Variants in CDH4 observed in about 807,000 individuals in gnomAD.
CDH4 encodes cadherin 4, also known as cadherin-4.
In CDH4, 33 loss-of-function variants were observed where a neutral mutation model predicts 86.0. That is an observed-to-expected ratio of 0.38 (90% CI 0.29 to 0.51). CDH4 has a LOEUF of 0.51. Ranked by LOEUF, CDH4 falls within the 20% of genes least tolerant of loss-of-function variation. CDH4 has a pLI of 0.86. For missense variants in CDH4, 1,114 were observed against 1,307.4 expected, an observed-to-expected ratio of 0.85 and a Z score of 2.28; for synonymous variants, 555 against 549.4, an observed-to-expected ratio of 1.01 and a Z score of -0.14.
chr20:61,517,853 C>G lies in CDH4; in HGVS notation c.170-225710C>G, dbSNP rs556134494. On this transcript the variant is annotated intron_variant, in intron 2 of 15. Transcript: ENST00000614565. This position sits in a 1 kb window ranked among gnomAD's most constrained non-coding sequence, Gnocchi z 6.6. The stretch of plus-strand genomic sequence containing the variant: ...TGAGTTACCTCTTATTTCATTTATT[C>G]TCAGTTCCGTCCCATGCAGGTGCCT... Among the ~76,000 whole-genome samples the G allele has an allele frequency of 6.6e-6, 1 of 152,298 alleles. No individual in the cohort carries two copies. Among genetic ancestry groups the G allele is most frequent in the African/African-American group, 2.4e-5 (1 of 41,572 alleles).
At chr20:61,612,672 C>A (rs1200660122) in intron 2 of CDH4, among the ~76,000 whole-genome samples, 1 of 152,086 alleles carries the variant, frequency 6.6e-6, no homozygotes, top group Non-Finnish European at 1.5e-5. Context: ...AATGAAAAGC[C>A]CTTCATTCCG....
At chr20:61,808,659 A>G (rs1980267127) in intron 4 of CDH4, among the ~76,000 whole-genome samples, 1 of 152,230 alleles carries the variant, frequency 6.6e-6, no homozygotes, top group Non-Finnish European at 1.5e-5. Context: ...CTCCGGCAGC[A>G]CGCCCCTCCC....
In CDH4 at chr20:61,913,856, A is replaced by G. The variant is rs532579518; in HGVS notation, c.1374+3249A>G. On this transcript the variant is annotated intron_variant, in intron 9 of 15. Transcript: ENST00000614565. ...TGGGCACAGCCGGGCACATTCACTG[A>G]CCTATTGCCATGTGACAGCTTGGCA... Among the ~76,000 whole-genome samples the G allele has an allele frequency of 3.9e-5, 6 of 152,118 alleles. No individual in the cohort carries two copies. The South Asian group carries it at 1.2e-3, about 32-fold the overall frequency.
At chr20:61,358,120 C>G (rs1185935045) in intron 2 of CDH4, among the ~76,000 whole-genome samples, 1 of 152,206 alleles carries the variant, frequency 6.6e-6, no homozygotes. Flanking sequence ...TTTCTTCTGC[C>G]TGGATATGGG....
Position 61,811,109 on chromosome 20 carries a change from C to T in CDH4, c.577-33559C>T, listed in dbSNP as rs1173884653. Among the ~76,000 whole-genome samples, 2 of 152,184 alleles carry T rather than the reference C, an allele frequency of 1.3e-5. No individual in the cohort carries two copies. Among genetic ancestry groups the T allele is most frequent in the South Asian group, 2.1e-4 (1 of 4,826 alleles). On this transcript the variant is annotated intron_variant, in intron 4 of 15. Transcript: ENST00000614565. This position sits in a 1 kb window ranked among gnomAD's most constrained non-coding sequence, Gnocchi z 4.4. Reference sequence around the variant, plus strand: ...TCAGCAGCCCCGCCACCGCCTGTCACACCTGCTGCTCTGGAAGAACAACAG... The same window carrying T: ...TCAGCAGCCCCGCCACCGCCTGTCATACCTGCTGCTCTGGAAGAACAACAG...
chr20:61,813,562 G>T (rs143112681), intron 4 of CDH4, among the ~76,000 whole-genome samples: 14 of 152,166 alleles, frequency 9.2e-5, no homozygotes, highest in African/African-American at 3.4e-4. Context: ...TGCTGTATAA[G>T]CATCGCATCC....
chr20:61,487,288 C>T (rs1292844413), intron 2 of CDH4, among the ~76,000 whole-genome samples: 2 of 151,970 alleles, frequency 1.3e-5, no homozygotes, highest in African/African-American at 2.4e-5. Flanking sequence ...AAGGGGGCTT[C>T]GTGGGCTGGA....
rs144145064 is a variant in CDH4, at chr20:61,885,385, T to C, written c.1051-9525T>C. On this transcript the variant is annotated intron_variant, in intron 7 of 15. Transcript: ENST00000614565. ...ATTTGCCTATTCTGGACATTTCCTG[T>C]AAGTGGGCTCCTTCCATGCATGGCG... Among the ~76,000 whole-genome samples the C allele has an allele frequency of 1.5e-3, 230 of 152,332 alleles. 2 individuals carry two copies. Among genetic ancestry groups the C allele is most frequent in the African/African-American group, 4.6e-3 (191 of 41,592 alleles).
chr20:61,792,954 GT>G (rs574668671), intron 4 of CDH4, among the ~76,000 whole-genome samples: 1 of 127,370 alleles, frequency 7.9e-6, no homozygotes, highest in East Asian at 2.6e-4. Flanking sequence ...TGGCCTATGT[GT>G]TTTTTTTGTT....
At chr20:61,933,196 T>C (rs2055135867) in intron 14 of CDH4, 72 bp downstream of exon 14, 5 of 1,560,324 alleles carry the variant, frequency 3.2e-6, no homozygotes, top group Non-Finnish European at 4.4e-6. Flanking sequence ...TCAGCAGGGA[T>C]TGCCCTGGGG....
In CDH4 at chr20:61,895,632, C is replaced by T. The variant is rs1329983053; in HGVS notation, c.1188+585C>T. On this transcript the variant is annotated intron_variant, in intron 8 of 15. Coordinates refer to ENST00000614565, the MANE Select transcript of CDH4 (RefSeq NM_001794.5). ...AGACAGGGCTGTAAGGCATGCAGCC[C>T]CCACTTCCTCTGGATTCCAGCAGGG... is the stretch of plus-strand genomic sequence containing the variant. 2.0e-5 allele frequency among the ~76,000 whole-genome samples: 3 copies of T among 152,332 alleles called. No homozygotes were observed. In the East Asian group the frequency reaches 5.8e-4, roughly 29 times the overall value.
At chr20:61,361,759 A>G (rs1480340232) in intron 2 of CDH4, among the ~76,000 whole-genome samples, 1 of 152,206 alleles carries the variant, frequency 6.6e-6, no homozygotes, top group Non-Finnish European at 1.5e-5. Flanking sequence ...TGAGGCTTTC[A>G]TCAGTCTGTG....
chr20:61,889,023 G>A (rs541704134), intron 7 of CDH4, among the ~76,000 whole-genome samples: 16 of 152,130 alleles, frequency 1.1e-4, no homozygotes, highest in African/African-American at 2.9e-4. Flanking sequence ...CCTCCCTCAC[G>A]GCCTCTGCAT....
intron 2 of CDH4, chr20:61,570,854 C>T (rs951907211): frequency 7.2e-6 from 5 of 695,562 alleles, no homozygotes; most frequent in Non-Finnish European, 1.3e-5. Context: ...AAGTGTGTTG[C>T]GTTTGGATGT....
intron 2 of CDH4, among the ~76,000 whole-genome samples, chr20:61,727,885 C>T (rs1258467465): frequency 6.6e-6 from 1 of 152,208 alleles, no homozygotes; most frequent in Non-Finnish European, 1.5e-5. Context: ...CCAATTTCCA[C>T]AAGACTTAGC....
chr20:61,495,325 A>T (rs1393127423), intron 2 of CDH4, among the ~76,000 whole-genome samples: 1 of 152,200 alleles, frequency 6.6e-6, no homozygotes, highest in Admixed American at 6.5e-5. Context: ...CGTTAACTAC[A>T]GCACAGCCTA....
intron 2 of CDH4, chr20:61,570,489 G>T (rs895913900): frequency 3.5e-6 from 2 of 579,606 alleles, no homozygotes; most frequent in Admixed American, 2.9e-5. Flanking sequence ...GGTCTCCCTC[G>T]CAGCCCCTGC....
At chr20:61,755,270 A>ACCACACACACACACACGCC (rs1462460731) in intron 3 of CDH4, among the ~76,000 whole-genome samples, 6 of 148,300 alleles carry the variant, frequency 4.0e-5, no homozygotes, top group Non-Finnish European at 6.0e-5. Flanking sequence ...CCATATCAAT[A>ACCACACACACACACACGCC]CCACACACAC....
At chr20:61,270,769 T>G (rs1238737213) in intron 2 of CDH4, among the ~76,000 whole-genome samples, 1 of 151,928 alleles carries the variant, frequency 6.6e-6, no homozygotes, top group East Asian at 1.9e-4. Context: ...GGTAGTGGGG[T>G]GGGGGTAGTG....
Sources: gnomAD v4.1 joint callset for allele counts (sites outside exome capture counted in the v4.1 genomes callset) on GRCh38, gnomAD v4.1.1 for gene constraint, Gnocchi (gnomAD v3.1) non-coding constraint, MANE v1.5 for transcripts, NCBI Gene and HGNC (gene_info 2026-07-23, HGNC 2026-07-21) for gene names.